Variants in ADCY10 observed in about 807,000 individuals in gnomAD.
The protein encoded by ADCY10 is adenylate cyclase type 10.
In ADCY10, 156 loss-of-function variants were observed where a neutral mutation model predicts 183.3. The observed-to-expected ratio is 0.85, with a 90% CI of 0.75 to 0.97. The LOEUF (loss-of-function observed/expected upper bound fraction) is 0.97, where lower values mean the gene tolerates loss of function less well. Ranked by LOEUF, ADCY10 falls within the 50% of genes least tolerant of loss-of-function variation. ADCY10 has a pLI of 0.00. For synonymous variants in ADCY10, 645 were observed against 670.0 expected, an observed-to-expected ratio of 0.96 and a Z score of 0.58; for missense variants, 1,745 against 1,934.3, an observed-to-expected ratio of 0.90 and a Z score of 1.84.
At chr1:167,857,596 T>C (rs1478329289) in intron 16 of ADCY10, among the ~76,000 whole-genome samples, 1 of 152,208 alleles carries the variant, frequency 6.6e-6, no homozygotes, top group Non-Finnish European at 1.5e-5. Context: ...TAATCTAAAA[T>C]GAGGATTGGG....
intron 6 of ADCY10, among the ~76,000 whole-genome samples, chr1:167,898,303 A>C (rs1288397224): frequency 6.6e-6 from 1 of 152,138 alleles, no homozygotes; most frequent in Non-Finnish European, 1.5e-5. Flanking sequence ...AAAGGTATCA[A>C]GAATGATTGA....
chr1:167,818,405 C>G (rs768816201), intron 30 of ADCY10, 138 bp from the exon 31 acceptor site: 1 of 809,032 alleles, frequency 1.2e-6, no homozygotes, highest in East Asian at 2.4e-5. Context: ...ACCCCTGCTT[C>G]ACACTCCCTA....
At chr1:167,821,756 T>C (rs1662927993) in intron 30 of ADCY10, among the ~76,000 whole-genome samples, 1 of 152,228 alleles carries the variant, frequency 6.6e-6, no homozygotes, top group African/African-American at 2.4e-5. Flanking sequence ...AATCTTTTCT[T>C]ATTTATCCCT....
At chr1:167,857,818 C>T (rs1163566507) in intron 16 of ADCY10, among the ~76,000 whole-genome samples, 1 of 152,168 alleles carries the variant, frequency 6.6e-6, no homozygotes, top group East Asian at 1.9e-4. Context: ...AAAGACTTGT[C>T]AGTACATAAT....
At chr1:167,832,868 G>A (rs1663855019) in intron 25 of ADCY10, 119 bp downstream of exon 25, 2 of 1,069,712 alleles carry the variant, frequency 1.9e-6, no homozygotes, top group Non-Finnish European at 2.8e-6. Context: ...AATGGTCAGA[G>A]CCAAACAGGA....
chr1:167,864,289 T>C (rs1322403731), intron 14 of ADCY10, among the ~76,000 whole-genome samples: 1 of 152,148 alleles, frequency 6.6e-6, no homozygotes, highest in Non-Finnish European at 1.5e-5. Context: ...TACTAGAAAC[T>C]ATGTTGAAAA....
intron 19 of ADCY10, 140 bp from the exon 20 acceptor site, chr1:167,846,403 G>A: frequency 9.3e-7 from 1 of 1,072,408 alleles, no homozygotes. Context: ...GTCAAAAGAA[G>A]TATTTGTTTA....
chr1:167,858,725 C>T (rs1041938136), intron 16 of ADCY10, among the ~76,000 whole-genome samples: 7 of 152,012 alleles, frequency 4.6e-5, no homozygotes, highest in Non-Finnish European at 1.0e-4. Flanking sequence ...CACCATTTCT[C>T]TAGGTTAAAA....
intron 14 of ADCY10, among the ~76,000 whole-genome samples, chr1:167,861,742 A>G (rs902597267): frequency 6.6e-6 from 1 of 152,062 alleles, no homozygotes; most frequent in African/African-American, 2.4e-5. Context: ...ATGCTATCTG[A>G]TATGGTTTGG....
At chr1:167,821,686 G>A (rs1662923403) in intron 30 of ADCY10, among the ~76,000 whole-genome samples, 1 of 152,210 alleles carries the variant, frequency 6.6e-6, no homozygotes, top group Non-Finnish European at 1.5e-5. Flanking sequence ...CAGGTGCCGG[G>A]TGGGCAAGTG....
chr1:167,824,628 C>T (rs1427922286), intron 27 of ADCY10, 23 bp downstream of exon 27: 1 of 1,614,030 alleles, frequency 6.2e-7, no homozygotes, highest in Admixed American at 1.7e-5. Flanking sequence ...CCTCATGTCC[C>T]ATCTTGCCCA....
At chr1:167,908,045 AC>A (rs1420635850) in intron 1 of ADCY10, among the ~76,000 whole-genome samples, 1 of 152,200 alleles carries the variant, frequency 6.6e-6, no homozygotes, top group African/African-American at 2.4e-5. Flanking sequence ...ATATGATCTA[AC>A]AATCCCACAT....
chr1:167,883,427 T>C lies in ADCY10; in HGVS notation c.1020+10A>G. ...TATTGGTAGGTTCCCATCCCATAGT[T>C]CACACTTACCTTGTCAAACATGAAG... On this transcript the variant is annotated intron_variant, in intron 9 of 32. Coordinates refer to ENST00000367851, the MANE Select transcript of ADCY10 (RefSeq NM_018417.6). 1 of 1,614,130 alleles carries C rather than the reference T, an allele frequency of 6.2e-7. No individual in the cohort carries two copies. The highest frequency in any genetic ancestry group is 8.5e-7 in the Non-Finnish European group (1 of 1,179,976).
intron 21 of ADCY10, among the ~76,000 whole-genome samples, chr1:167,843,858 G>A (rs1396300623): frequency 1.3e-5 from 2 of 152,054 alleles, no homozygotes; most frequent in Non-Finnish European, 2.9e-5. Flanking sequence ...ACTTGAGGAG[G>A]GCACACAGCA....
At chr1:167,837,432 GA>G (rs2101924558) in intron 21 of ADCY10, 114 bp from the exon 22 acceptor site, 2 of 859,794 alleles carry the variant, frequency 2.3e-6, no homozygotes, top group South Asian at 2.8e-5. Context: ...TGCCCAGCCA[GA>G]AACCACATTG....
At chr1:167,912,777 G>A (rs189922033) in intron 1 of ADCY10, among the ~76,000 whole-genome samples, 188 of 152,284 alleles carry the variant, frequency 1.2e-3, no homozygotes, top group Middle Eastern at 3.4e-3. Context: ...GAACCTTGGT[G>A]TTCCTCCACT....
intron 18 of ADCY10, among the ~76,000 whole-genome samples, chr1:167,851,755 G>A (rs372056650): frequency 2.6e-5 from 4 of 151,670 alleles, no homozygotes; most frequent in South Asian, 4.2e-4. Context: ...CCCAGGAGGC[G>A]GAGGCTGCAG....
At chr1:167,814,405 G>A in intron 31 of ADCY10, among the ~76,000 whole-genome samples, 1 of 150,820 alleles carries the variant, frequency 6.6e-6, no homozygotes, top group African/African-American at 2.4e-5. Context: ...TTTAAATACA[G>A]CAAAATATAT....
intron 8 of ADCY10, among the ~76,000 whole-genome samples, chr1:167,889,960 T>C (rs2102327783): frequency 6.6e-6 from 1 of 152,340 alleles, no homozygotes. Flanking sequence ...AGTTTCTAAA[T>C]TCTTTCTCTG....
Sources: allele counts gnomAD v4.1 joint callset (sites outside exome capture counted in the v4.1 genomes callset), GRCh38; gene constraint gnomAD v4.1.1; transcripts MANE v1.5; gene names NCBI Gene and HGNC (gene_info 2026-07-23, HGNC 2026-07-21).